Variants in STX8 observed in about 807,000 individuals in gnomAD.
The protein encoded by STX8 is syntaxin 8.
In STX8, 23 loss-of-function variants were observed where a neutral mutation model predicts 37.5. The ratio of observed to expected loss-of-function variants is 0.61; its 90% CI spans 0.44 to 0.87. The LOEUF (loss-of-function observed/expected upper bound fraction) is 0.87, where lower values mean the gene tolerates loss of function less well. Ranked by LOEUF, STX8 falls within the 40% of genes least tolerant of loss-of-function variation. The probability of loss-of-function intolerance (pLI) is 0.00; values close to 1 mark genes in which losing one functional copy is unlikely to be tolerated. For missense variants in STX8, 313 were observed against 284.7 expected, an observed-to-expected ratio of 1.10 and a Z score of -0.71; for synonymous variants, 115 against 99.1, an observed-to-expected ratio of 1.16 and a Z score of -0.95.
intron 4 of STX8, among the ~76,000 whole-genome samples, chr17:9,513,313 C>CAAAAAAAAAAAAAA (rs35228175): frequency 1.3e-5 from 1 of 78,038 alleles, no homozygotes. Context: ...ACTCTATTTC[C>CAAAAAAAAAAAAAA]AAAAAAAAAA....
intron 4 of STX8, among the ~76,000 whole-genome samples, chr17:9,506,835 G>A (rs1462737096): frequency 6.6e-6 from 1 of 152,014 alleles, no homozygotes; most frequent in Non-Finnish European, 1.5e-5. Flanking sequence ...CTACAGCATG[G>A]CGCCATCTTT....
chr17:9,530,976 A>G (rs1218670055), intron 4 of STX8, among the ~76,000 whole-genome samples: 3 of 152,168 alleles, frequency 2.0e-5, no homozygotes, highest in Non-Finnish European at 4.4e-5. Flanking sequence ...ATCCTTTTGG[A>G]ATTATTTCTT....
At chr17:9,450,654 ATTTGT>A (rs754472811) in intron 6 of STX8, among the ~76,000 whole-genome samples, 5 of 152,116 alleles carry the variant, frequency 3.3e-5, no homozygotes, top group South Asian at 2.1e-4. Context: ...TAAATTGATG[ATTTGT>A]TTTATTTTAT....
chr17:9,504,139 T>A (rs984823294), intron 5 of STX8, among the ~76,000 whole-genome samples: 1 of 152,182 alleles, frequency 6.6e-6, no homozygotes, highest in Non-Finnish European at 1.5e-5. Flanking sequence ...TGATTCCATT[T>A]ATGTAAAATA....
chr17:9,486,410 G>C (rs1388705811), intron 6 of STX8, among the ~76,000 whole-genome samples: 1 of 152,234 alleles, frequency 6.6e-6, no homozygotes, highest in Non-Finnish European at 1.5e-5. Context: ...CACCAGCAGA[G>C]ATTTGTTCTT....
intron 7 of STX8, among the ~76,000 whole-genome samples, chr17:9,317,896 C>T (rs1909443128): frequency 6.6e-6 from 1 of 152,192 alleles, no homozygotes; most frequent in African/African-American, 2.4e-5. Flanking sequence ...GCTTTCTGGA[C>T]CATGTCAGGG....
At chr17:9,498,051 A>G (rs1486467404) in intron 5 of STX8, among the ~76,000 whole-genome samples, 1 of 152,106 alleles carries the variant, frequency 6.6e-6, no homozygotes, top group Non-Finnish European at 1.5e-5. Flanking sequence ...TAACATACAG[A>G]AGGAGCTCTC....
intron 6 of STX8, among the ~76,000 whole-genome samples, chr17:9,434,165 G>A (rs1006315250): frequency 2.0e-5 from 3 of 152,050 alleles, no homozygotes; most frequent in African/African-American, 7.3e-5. Flanking sequence ...TACCATGCCC[G>A]GCTAATTTTT....
At chr17:9,487,460 A>G (rs1334995577) in intron 6 of STX8, among the ~76,000 whole-genome samples, 4 of 152,188 alleles carry the variant, frequency 2.6e-5, no homozygotes, top group African/African-American at 9.6e-5. Flanking sequence ...CTTTAACAAA[A>G]GGAATAAAAG....
chr17:9,433,041 T>C (rs1366728803), intron 6 of STX8, among the ~76,000 whole-genome samples: 1 of 152,234 alleles, frequency 6.6e-6, no homozygotes, highest in Non-Finnish European at 1.5e-5. Flanking sequence ...CACACAGATA[T>C]GGATGCAGTC....
chr17:9,340,222 C>T (rs117978316), intron 7 of STX8, among the ~76,000 whole-genome samples: 202 of 152,356 alleles, frequency 1.3e-3, no homozygotes, highest in Non-Finnish European at 2.3e-3. Context: ...GCAGCTGCTC[C>T]TTTCCCTCAG....
At chr17:9,264,556 C>T (rs748847982) in intron 7 of STX8, among the ~76,000 whole-genome samples, 4 of 152,142 alleles carry the variant, frequency 2.6e-5, no homozygotes, top group Non-Finnish European at 4.4e-5. Context: ...CCTCCCTCCT[C>T]GACCTCCCAA....
chr17:9,412,467 C>T (rs1913017752), intron 6 of STX8, among the ~76,000 whole-genome samples: 1 of 152,038 alleles, frequency 6.6e-6, no homozygotes, highest in Admixed American at 6.6e-5. Context: ...TTAGTAGAGA[C>T]AGGTTTTCTC....
Position 9,505,081 on chromosome 17 carries a change from C to G in STX8, c.405G>C (p.Leu135Phe), listed in dbSNP as rs766260811. 2 of 1,613,126 alleles carry G rather than the reference C, an allele frequency of 1.2e-6. No individual in the cohort carries two copies. Among genetic ancestry groups the G allele is most frequent in the Admixed American group, 1.7e-5 (1 of 59,920 alleles). Reference protein sequence around the residue: ...LFEEPEETRGLGFDEIRQQQQ... With the variant: ...LFEEPEETRGFGFDEIRQQQQ... ...GCTGTTGCCGGATTTCATCAAAACC[C>G]AAGCCTCTGGTCTCCTCTGGCTCCT... Residue 135 changes from leucine (L) to phenylalanine (F), a missense_variant, in exon 5 of 8, where the codon TTG (leucine) becomes TTC (phenylalanine). Leu to Phe is a conservative substitution (Grantham distance 22, BLOSUM62 0). Coordinates refer to ENST00000306357, the MANE Select transcript of STX8 (RefSeq NM_004853.3).
chr17:9,395,000 C>T (rs1196418553), intron 6 of STX8, among the ~76,000 whole-genome samples: 3 of 150,874 alleles, frequency 2.0e-5, no homozygotes, highest in Admixed American at 6.6e-5. Flanking sequence ...CACTTGAACC[C>T]GGGAGGCAGA....
intron 7 of STX8, among the ~76,000 whole-genome samples, chr17:9,336,452 TTGAGA>T (rs1283449910): frequency 6.6e-6 from 1 of 151,950 alleles, no homozygotes; most frequent in African/African-American, 2.4e-5. Flanking sequence ...TCTTTCTTTC[TTGAGA>T]TGGAGTCTCA....
At chr17:9,536,005 T>C (rs1310781520) in intron 4 of STX8, among the ~76,000 whole-genome samples, 1 of 152,160 alleles carries the variant, frequency 6.6e-6, no homozygotes, top group African/African-American at 2.4e-5. Context: ...TTACCATGTG[T>C]GTAAAAGATG....
intron 5 of STX8, among the ~76,000 whole-genome samples, chr17:9,498,880 A>G (rs1428550748): frequency 1.3e-5 from 2 of 152,202 alleles, no homozygotes; most frequent in Non-Finnish European, 2.9e-5. Context: ...GGTGTATAAT[A>G]ACCAAAGCAT....
In STX8 at chr17:9,558,713, C is replaced by G. The variant is rs570044121; in HGVS notation, c.118-1185G>C. On this transcript the variant is annotated intron_variant, in intron 2 of 7. Coordinates refer to ENST00000306357, the MANE Select transcript of STX8 (RefSeq NM_004853.3). ...TGGCGGGCGCCTGTAGTCCCAGCTA[C>G]GCGGGAGGCTGAGGCAGGAGAACGG... Among the ~76,000 whole-genome samples the G allele has an allele frequency of 2.0e-5, 3 of 152,054 alleles. No homozygotes were observed. In the South Asian group the frequency reaches 6.2e-4, roughly 31 times the overall value.
Sources: gnomAD v4.1 joint callset for allele counts (sites outside exome capture counted in the v4.1 genomes callset) on GRCh38, gnomAD v4.1.1 for gene constraint, MANE v1.5 for transcripts, NCBI Gene and HGNC (gene_info 2026-07-23, HGNC 2026-07-21) for gene names.